The following CMIP variants were observed in gnomAD, a reference collection of about 807,000 sequenced individuals.
CMIP encodes the protein c-Maf inducing protein, also known as C-Maf-inducing protein.
Under a neutral mutation model 97.3 loss-of-function variants are expected in CMIP, and 13 were observed. The ratio of observed to expected loss-of-function variants is 0.13; its 90% CI spans 0.09 to 0.21. The LOEUF (loss-of-function observed/expected upper bound fraction) is 0.21, where lower values mean the gene tolerates loss of function less well. CMIP is among the 10% of genes least tolerant of loss of function. The pLI, the probability that CMIP is intolerant of heterozygous loss-of-function variation, is 1.00. For missense variants in CMIP, 847 were observed against 1,024.9 expected (o/e 0.83, Z 2.37); for synonymous variants, 538 against 436.3 (o/e 1.23, Z -2.91).
chr16:81,580,729 C>G (rs1195544377), intron 1 of CMIP, among the ~76,000 whole-genome samples: 1 of 151,888 alleles, frequency 6.6e-6, no homozygotes, highest in African/African-American at 2.4e-5. Flanking sequence ...AGCCACTGCT[C>G]CTGGTTGCAG....
chr16:81,529,431 G>C (rs2090190521), intron 1 of CMIP, among the ~76,000 whole-genome samples: 2 of 152,184 alleles, frequency 1.3e-5, no homozygotes, highest in Admixed American at 1.3e-4. Flanking sequence ...CAGCAGTTTG[G>C]TTGGGGCTTG....
intron 2 of CMIP, among the ~76,000 whole-genome samples, chr16:81,612,059 G>A (rs1220140589): frequency 6.6e-6 from 1 of 152,202 alleles, no homozygotes; most frequent in Non-Finnish European, 1.5e-5. Context: ...CTCCATTGAT[G>A]CCCTTTCTGC....
chr16:81,710,177 G>C lies in CMIP; in HGVS notation c.*378G>C. ...AAGTCAACTCCGATGCCACCATTGC[G>C]GGCCGGACGAAGGATGCTTTCTTCC... On this transcript the variant is annotated 3_prime_UTR_variant, in exon 21 of 21. Transcript: ENST00000537098. The C allele has an allele frequency of 3.7e-6, 1 of 273,176 alleles. No individual in the cohort carries two copies. Among genetic ancestry groups the C allele is most frequent in the South Asian group, 4.5e-5 (1 of 22,198 alleles). 16.9% of individuals were successfully genotyped at this position (273,176 alleles called of 1,614,324 possible).
chr16:81,448,164 T>C (rs1452651694), intron 1 of CMIP, among the ~76,000 whole-genome samples: 3 of 152,192 alleles, frequency 2.0e-5, no homozygotes, highest in African/African-American at 7.2e-5. Context: ...TATAGAGTCA[T>C]ATCCTTACTT....
At chr16:81,580,154 C>T (rs2091271496) in intron 1 of CMIP, among the ~76,000 whole-genome samples, 1 of 152,130 alleles carries the variant, frequency 6.6e-6, no homozygotes, top group Non-Finnish European at 1.5e-5. Context: ...GCCTTGACAC[C>T]CTCCCTCAGC....
rs1000795851 is a variant in CMIP at position 81,703,889 on chromosome 16, C to T, written c.1945-50C>T. The T allele has an allele frequency of 7.1e-6, 11 of 1,554,170 alleles. No individual in the cohort carries two copies. In the African/African-American group the frequency reaches 1.5e-4, roughly 21 times the overall value. On this transcript the variant is annotated intron_variant, in intron 17 of 20. Transcript: ENST00000537098. ...GATAGGGGATAGGAGGGCTCAGGGT[C>T]TCGGGAACTCCCAGCAGCACCCTCA... is the stretch of plus-strand genomic sequence containing the variant.
At chr16:81,623,060 C>T (rs980020992) in intron 3 of CMIP, among the ~76,000 whole-genome samples, 1 of 152,176 alleles carries the variant, frequency 6.6e-6, no homozygotes, top group Non-Finnish European at 1.5e-5. Flanking sequence ...AAAAATTAGC[C>T]GGGCGTAGTG....
chr16:81,556,649 A>G (rs530697021), intron 1 of CMIP, among the ~76,000 whole-genome samples: 22 of 152,328 alleles, frequency 1.4e-4, no homozygotes, highest in Admixed American at 4.6e-4. Context: ...GTTTGGGAAG[A>G]TGAGAAAGCT....
At chr16:81,670,085 C>G in intron 7 of CMIP, 57 bp from the exon 8 acceptor site, 1 of 1,532,178 alleles carries the variant, frequency 6.5e-7, no homozygotes, top group Admixed American at 2.0e-5. Flanking sequence ...CCTGGCTGCC[C>G]TGGGCTCCTG....
In CMIP at chr16:81,629,134, T is replaced by TAAAA. The variant is rs10533097; in HGVS notation, c.477+8237_477+8240dup. 9.4e-3 allele frequency among the ~76,000 whole-genome samples: 430 copies of TAAAA among 45,690 alleles called. 5 individuals carry two copies. Among genetic ancestry groups the TAAAA allele is most frequent in the African/African-American group, 0.014 (187 of 13,598 alleles). The allele number at this position is 45,690 out of a possible 152,430, so 30.0% of individuals were successfully genotyped here. A position where few individuals can be genotyped will look rare whatever the true frequency, so the allele number is the denominator to read the frequency against. On this transcript the variant is annotated intron_variant, in intron 3 of 20. Coordinates refer to ENST00000537098, the MANE Select transcript of CMIP (RefSeq NM_198390.3). ...CTGGGTGACAGAGTGAAACTGTGCTTAAAAAAAAAAAAAAAAAAAAAAAAA... is the reference window on the plus strand; with the variant it reads ...CTGGGTGACAGAGTGAAACTGTGCTTAAAAAAAAAAAAAAAAAAAAAAAAAAAAA...
chr16:81,702,657 C>T lies in CMIP; in HGVS notation c.1932C>T (p.Pro644=), dbSNP rs751539469. The T allele has an allele frequency of 1.2e-5, 20 of 1,613,420 alleles. No homozygotes were observed. In the Admixed American group the frequency reaches 1.5e-4, roughly 12 times the overall value. ...RKGGPTRLTL[P]SKSTDADLAR... ...GCGGGCCCACCAGGCTAACACTGCC[C>T]TCCAAGTCCACAGTGAGTTGGTTTG... Residue 644 remains proline, a synonymous_variant, in exon 17 of 21, where the codon CCC becomes CCT. Coordinates refer to ENST00000537098, the MANE Select transcript of CMIP (RefSeq NM_198390.3).
At chr16:81,645,142 A>G (rs2092349320) in intron 3 of CMIP, among the ~76,000 whole-genome samples, 2 of 152,214 alleles carry the variant, frequency 1.3e-5, no homozygotes, top group Admixed American at 1.3e-4. Context: ...ATTTCATTTT[A>G]ATGAAGTTCA....
chr16:81,518,517 G>A (rs1275679989), intron 1 of CMIP: 1 of 152,384 alleles, frequency 6.6e-6, no homozygotes, highest in African/African-American at 2.4e-5. Flanking sequence ...ACCAGCAAGG[G>A]AAGTGATGTA....
intron 1 of CMIP, among the ~76,000 whole-genome samples, chr16:81,474,938 A>G (rs994596270): frequency 7.9e-5 from 12 of 152,234 alleles, no homozygotes; most frequent in African/African-American, 2.9e-4. Flanking sequence ...GGGGGTGGCC[A>G]GGCCTGAGGG....
chr16:81,613,076 C>G (rs535854806), intron 2 of CMIP, among the ~76,000 whole-genome samples: 18 of 152,198 alleles, frequency 1.2e-4, no homozygotes, highest in African/African-American at 4.3e-4. Flanking sequence ...TGCCTAGCAG[C>G]GTATGTCCTC....
intron 1 of CMIP, among the ~76,000 whole-genome samples, chr16:81,550,432 G>C (rs951916505): frequency 6.6e-5 from 10 of 152,208 alleles, no homozygotes; most frequent in African/African-American, 1.9e-4. Flanking sequence ...GGAGGTGCAG[G>C]AGGGTCGCAG....
intron 8 of CMIP, among the ~76,000 whole-genome samples, chr16:81,671,747 C>A (rs1298884525): frequency 1.3e-5 from 2 of 152,202 alleles, no homozygotes; most frequent in South Asian, 4.1e-4. Context: ...ATCCGGAGTC[C>A]ACAGCCAGGA....
At chr16:81,696,750 C>T (rs1222174258) in intron 14 of CMIP, 83 bp downstream of exon 14, 1 of 1,294,844 alleles carries the variant, frequency 7.7e-7, no homozygotes, top group Non-Finnish European at 1.1e-6. Context: ...CGTCCCCCAT[C>T]CCCTGGGGCC....
intron 19 of CMIP, among the ~76,000 whole-genome samples, chr16:81,706,143 C>G (rs1908112926): frequency 6.6e-6 from 1 of 152,258 alleles, no homozygotes; most frequent in Admixed American, 6.5e-5. Flanking sequence ...TGCCAAACCC[C>G]AGGTGACTGA....
Sources: gnomAD v4.1 joint callset for allele counts (sites outside exome capture counted in the v4.1 genomes callset) on GRCh38, gnomAD v4.1.1 for gene constraint, MANE v1.5 for transcripts, NCBI Gene and HGNC (gene_info 2026-07-23, HGNC 2026-07-21) for gene names.